LMBR1: variants seen among roughly 807,000 people sequenced by gnomAD.
LMBR1 encodes limb region 1 protein homolog.
In LMBR1, 52 loss-of-function variants were observed where a neutral mutation model predicts 73.9. That is an observed-to-expected ratio of 0.70 (90% confidence interval 0.56 to 0.89). LMBR1 has a LOEUF of 0.89. Among genes scored for constraint, LMBR1 ranks in the 40% least tolerant of loss-of-function variants. LMBR1 has a pLI of 0.00. For missense variants in LMBR1, 539 were observed against 579.8 expected (o/e 0.93, Z 0.72); for synonymous variants, 215 against 209.4 (o/e 1.03, Z -0.23).
intron 15 of LMBR1, among the ~76,000 whole-genome samples, chr7:156,701,211 C>G (rs1393432210): frequency 1.3e-5 from 2 of 152,086 alleles, no homozygotes; most frequent in East Asian, 3.9e-4. Context: ...TTAAATCTTC[C>G]CTTCCTAGAT....
intron 4 of LMBR1, among the ~76,000 whole-genome samples, chr7:156,807,850 C>T (rs1832415696): frequency 1.3e-5 from 2 of 152,046 alleles, no homozygotes; most frequent in African/African-American, 4.8e-5. Context: ...TTCAAATTTC[C>T]CTTTTGATTA....
At chr7:156,701,415 T>C (rs897901265) in intron 15 of LMBR1, among the ~76,000 whole-genome samples, 13 of 152,190 alleles carry the variant, frequency 8.5e-5, no homozygotes, top group African/African-American at 2.7e-4. Context: ...ATCTTAAATA[T>C]GATGAGTAGA....
chr7:156,776,002 C>T (rs1349006215), intron 5 of LMBR1, among the ~76,000 whole-genome samples: 1 of 150,690 alleles, frequency 6.6e-6, no homozygotes, highest in Non-Finnish European at 1.5e-5. Flanking sequence ...GAATAGCACC[C>T]CTACCTTATA....
At chr7:156,862,563 A>C (rs1797883071) in intron 1 of LMBR1, among the ~76,000 whole-genome samples, 1 of 152,194 alleles carries the variant, frequency 6.6e-6, no homozygotes, top group South Asian at 2.1e-4. Context: ...GAAAAGCATG[A>C]TCCATGAAAG....
intron 1 of LMBR1, among the ~76,000 whole-genome samples, chr7:156,882,814 C>T (rs755348020): frequency 3.3e-5 from 5 of 152,048 alleles, no homozygotes; most frequent in Admixed American, 6.5e-5. Flanking sequence ...AGGCAGATCA[C>T]GAGGTCAGGA....
chr7:156,802,888 C>T (rs1021056427), intron 4 of LMBR1, among the ~76,000 whole-genome samples: 1 of 152,014 alleles, frequency 6.6e-6, no homozygotes, highest in African/African-American at 2.4e-5. Flanking sequence ...CTGACAAAAA[C>T]AAGAAATGGG....
intron 4 of LMBR1, among the ~76,000 whole-genome samples, chr7:156,672,465 G>A (rs1802765150): frequency 6.6e-6 from 1 of 152,106 alleles, no homozygotes; most frequent in African/African-American, 2.4e-5. Flanking sequence ...TCATCAATAG[G>A]GCCACTTAGG....
intron 1 of LMBR1, among the ~76,000 whole-genome samples, chr7:156,888,020 T>C (rs957769264): frequency 2.0e-5 from 3 of 152,180 alleles, no homozygotes; most frequent in Non-Finnish European, 1.5e-5. Flanking sequence ...TGTGTGTTGG[T>C]GAAGATGCGG....
At chr7:156,851,737 CAT>C (rs1206061785) in intron 1 of LMBR1, among the ~76,000 whole-genome samples, 2 of 152,076 alleles carry the variant, frequency 1.3e-5, no homozygotes, top group Non-Finnish European at 2.9e-5. Context: ...TATAGATATA[CAT>C]AGAGGTATGA....
intron 4 of LMBR1, among the ~76,000 whole-genome samples, chr7:156,803,209 C>A (rs1831329789): frequency 6.6e-6 from 1 of 152,078 alleles, no homozygotes; most frequent in Non-Finnish European, 1.5e-5. Flanking sequence ...TCAGAGTGAA[C>A]AGGCAACTTA....
At chr7:156,710,695 G>C (rs957162918) in intron 15 of LMBR1, among the ~76,000 whole-genome samples, 2 of 152,188 alleles carry the variant, frequency 1.3e-5, no homozygotes, top group African/African-American at 4.8e-5. Context: ...ATCACAAAAT[G>C]ATCATCACAC....
intron 1 of LMBR1, among the ~76,000 whole-genome samples, chr7:156,882,183 T>G (rs144072691): frequency 1.4e-3 from 219 of 152,374 alleles, no homozygotes; most frequent in Non-Finnish European, 2.6e-3. Context: ...GGCTCATGCC[T>G]ATAATCCCAG....
intron 5 of LMBR1, among the ~76,000 whole-genome samples, chr7:156,778,980 G>A (rs1359472052): frequency 6.6e-6 from 1 of 152,156 alleles, no homozygotes; most frequent in Non-Finnish European, 1.5e-5. Context: ...AGATGTACCA[G>A]ATGTCAGAAT....
chr7:156,785,433 G>A (rs919307606), intron 5 of LMBR1, among the ~76,000 whole-genome samples: 1 of 152,138 alleles, frequency 6.6e-6, no homozygotes, highest in Non-Finnish European at 1.5e-5. Context: ...TATGCTTCAC[G>A]CAAGCCAAAT....
At chr7:156,820,125 C>A (rs776395396) in intron 4 of LMBR1, among the ~76,000 whole-genome samples, 3 of 152,184 alleles carry the variant, frequency 2.0e-5, no homozygotes, top group Non-Finnish European at 4.4e-5. Flanking sequence ...TCCAGAATAA[C>A]AGAAGATTAT....
At chr7:156,758,642 C>T (rs1214168203) in intron 8 of LMBR1, among the ~76,000 whole-genome samples, 1 of 152,128 alleles carries the variant, frequency 6.6e-6, no homozygotes, top group Non-Finnish European at 1.5e-5. Flanking sequence ...CCTCTCTTGC[C>T]CTGTGACACA....
chr7:156,783,571 G>A (rs1030865859), intron 5 of LMBR1, among the ~76,000 whole-genome samples: 1 of 152,086 alleles, frequency 6.6e-6, no homozygotes, highest in African/African-American at 2.4e-5. Flanking sequence ...ACCTTAGGCT[G>A]TCTTGCTATT....
downstream of LMBR1, chr7:156,677,704 TCTC>T (rs1343015243): frequency 1.3e-5 from 2 of 152,236 alleles, no homozygotes; most frequent in East Asian, 1.9e-4. Flanking sequence ...GAAAAAATAC[TCTC>T]CTATGTTTTG....
At chr7:156,703,701 T>C (rs1162271691) in intron 15 of LMBR1, among the ~76,000 whole-genome samples, 1 of 152,118 alleles carries the variant, frequency 6.6e-6, no homozygotes, top group Admixed American at 6.5e-5. Flanking sequence ...CTCACTACCC[T>C]TGTTGGGACT....
Sources: allele counts gnomAD v4.1 joint callset (sites outside exome capture counted in the v4.1 genomes callset), GRCh38; gene constraint gnomAD v4.1.1; transcripts MANE v1.5; gene names NCBI Gene and HGNC (gene_info 2026-07-23, HGNC 2026-07-21).